Variants in TCF20 observed in about 807,000 individuals in gnomAD.
TCF20 encodes SPRE-binding protein.
In TCF20, 3 loss-of-function variants were observed where a neutral mutation model predicts 148.6. The observed-to-expected ratio is 0.02, with a 90% confidence interval of 0.01 to 0.05. TCF20 has a LOEUF of 0.05. Among genes scored for constraint, TCF20 ranks in the 10% least tolerant of loss-of-function variants. The pLI is 1.00. For synonymous variants in TCF20, 1,049 were observed against 909.5 expected, an observed-to-expected ratio of 1.15 and a Z score of -2.76; for missense variants, 2,350 against 2,429.3, an observed-to-expected ratio of 0.97 and a Z score of 0.69.
Position 42,179,707 on chromosome 22 carries a change from A to T in TCF20, c.5656-5T>A, listed in dbSNP as rs1456456806. 1 of 1,609,736 alleles carries T rather than the reference A, an allele frequency of 6.2e-7. No homozygotes were observed. The highest frequency in any genetic ancestry group is 8.5e-7 in the Non-Finnish European group (1 of 1,176,188). On this transcript the variant is annotated splice_polypyrimidine_tract_variant and splice_region_variant and intron_variant, in intron 2 of 5. Transcript: ENST00000677622. The stretch of plus-strand genomic sequence containing the variant: ...CTCCTGGCAGTGGGAACATTTCTGA[A>T]AGGAAGGGAAAAGTCAGGCATGTCA...
In TCF20 at chr22:42,211,900, G is replaced by C; in HGVS notation, c.3406C>G (p.Leu1136Val). 6.2e-7 allele frequency: 1 copy of C among 1,614,150 alleles called. No individual in the cohort carries two copies. Residue 1136 changes from leucine to valine, a missense_variant, in exon 2 of 6, where the codon CTG becomes GTG. Coordinates refer to ENST00000677622, the MANE Select transcript of TCF20 (RefSeq NM_001378418.1). ...ATCATACCATCTTTGTCATTTTTCA[G>C]AGGGCTCCGTACTCTGTCAAGAAAC... Reference protein sequence around the residue: ...QQFLDRVRSPLKNDKDGMMYG... With the variant: ...QQFLDRVRSPVKNDKDGMMYG...
upstream of TCF20, among the ~76,000 whole-genome samples, chr22:42,270,896 C>A (rs1239444834): frequency 6.6e-6 from 1 of 151,584 alleles, no homozygotes; most frequent in Non-Finnish European, 1.5e-5. Flanking sequence ...CGCTGGGCGC[C>A]GCGCGCCACC....
At chr22:42,241,567 T>C (rs887276588) in intron 1 of TCF20, among the ~76,000 whole-genome samples, 1 of 152,156 alleles carries the variant, frequency 6.6e-6, no homozygotes, top group Admixed American at 6.5e-5. Context: ...TGGCTCATAC[T>C]TGTAATTCCA....
In TCF20 at chr22:42,338,575, G is replaced by C. The variant is rs572774452; in HGVS notation, c.-37+4904C>G. Among the ~76,000 whole-genome samples, 1 of 152,362 alleles carries C rather than the reference G, an allele frequency of 6.6e-6. No homozygotes were observed. Among genetic ancestry groups the C allele is most frequent in the South Asian group, 2.1e-4 (1 of 4,828 alleles). On this transcript the variant is annotated intron_variant, in intron 1 of 1. Transcript: ENST00000515426. The surrounding 1 kb of genome is among the most constrained non-coding windows in gnomAD (Gnocchi z 4.0). ...GGAGGCCCGGGAGGGAGGCGGGGAG[G>C]CTGGCGAGAGGCTTAATGAAACTGC...
At chr22:42,288,715 C>CAAAAAAAAA (rs60058670), upstream of TCF20, among the ~76,000 whole-genome samples, 5 of 85,302 alleles carry the variant, frequency 5.9e-5, no homozygotes, top group African/African-American at 2.7e-4. Flanking sequence ...GACCCTGTAT[C>CAAAAAAAAA]AAAAAAAAAA....
chr22:42,307,003 C>T lies in TCF20; in HGVS notation c.-37+36476G>A, dbSNP rs1035682034. On this transcript the variant is annotated intron_variant, in intron 1 of 1. Transcript: ENST00000515426. Reference sequence around the variant, plus strand: ...GCAGTGACCCGAGATCATGCCACTGCACTCCACCCTGGGTGACAGAGCAAG... The same window carrying T: ...GCAGTGACCCGAGATCATGCCACTGTACTCCACCCTGGGTGACAGAGCAAG... Among the ~76,000 whole-genome samples, 18 of 146,640 alleles carry T rather than the reference C, an allele frequency of 1.2e-4. No individual in the cohort carries two copies. In the South Asian group the frequency reaches 2.2e-3, roughly 18 times the overall value.
Position 42,325,014 on chromosome 22 carries a change from C to T in TCF20, c.-37+18465G>A, listed in dbSNP as rs181203171. Among the ~76,000 whole-genome samples, 194 of 152,354 alleles carry T rather than the reference C, an allele frequency of 1.3e-3. 1 individual carries two copies. The highest frequency in any genetic ancestry group is 4.4e-3 in the African/African-American group (183 of 41,588). On this transcript the variant is annotated intron_variant, in intron 1 of 1. Coordinates refer to the TCF20 transcript ENST00000515426. Reference sequence around the variant, plus strand: ...AGCCTGGTGCCTGAGAGTGCAGACCCGGATGCTCCCTCTTTGTCTTCCCAC... The same window carrying T: ...AGCCTGGTGCCTGAGAGTGCAGACCTGGATGCTCCCTCTTTGTCTTCCCAC...
intron 1 of TCF20, among the ~76,000 whole-genome samples, chr22:42,322,898 T>C (rs1927761579): frequency 6.6e-6 from 1 of 150,980 alleles, no homozygotes; most frequent in African/African-American, 2.4e-5. Flanking sequence ...TTCTGGTTTT[T>C]TTTTTGTTTG....
intron 1 of TCF20, among the ~76,000 whole-genome samples, chr22:42,236,179 A>C (rs1227707195): frequency 2.6e-5 from 4 of 152,184 alleles, no homozygotes; most frequent in African/African-American, 7.2e-5. Flanking sequence ...CCACTTCAAA[A>C]AAACAAACAA....
At chr22:42,320,435 C>G (rs908060408) in intron 1 of TCF20, among the ~76,000 whole-genome samples, 2 of 152,208 alleles carry the variant, frequency 1.3e-5, no homozygotes. Flanking sequence ...AGCTCCTTCC[C>G]TCCTTCAGGT....
rs57045489 is a variant in TCF20 at position 42,338,547 on chromosome 22, C to T, written c.-37+4932G>A. Among the ~76,000 whole-genome samples the T allele has an allele frequency of 0.022, 3,397 of 152,262 alleles. 137 individuals carry two copies. The highest frequency in any genetic ancestry group is 0.079 in the African/African-American group (3,289 of 41,530). On this transcript the variant is annotated intron_variant, in intron 1 of 1. Coordinates refer to the TCF20 transcript ENST00000515426. The surrounding 1 kb of genome is among the most constrained non-coding windows in gnomAD (Gnocchi z 4.0). The stretch of plus-strand genomic sequence containing the variant: ...GTGGAAGGGCTGGGAAAATAATTAC[C>T]GAGGAGGCCCGGGAGGGAGGCGGGG...
rs941080703 is a variant in TCF20, at chr22:42,297,061, C to T, written c.-37+46418G>A. Among the ~76,000 whole-genome samples, 2 of 152,204 alleles carry T rather than the reference C, an allele frequency of 1.3e-5. No individual in the cohort carries two copies. The highest frequency in any genetic ancestry group is 1.3e-4 in the Admixed American group (2 of 15,288). ...GTGCAGTAACCCACCCAGAACCACACAGCAAACTGGAGAAGTCAGTTTAAA... is the reference window on the plus strand; with the variant it reads ...GTGCAGTAACCCACCCAGAACCACATAGCAAACTGGAGAAGTCAGTTTAAA... On this transcript the variant is annotated intron_variant, in intron 1 of 1. Coordinates refer to the TCF20 transcript ENST00000515426. The surrounding 1 kb of genome is among the most constrained non-coding windows in gnomAD (Gnocchi z 4.3).
rs114286799 is a variant in TCF20, at chr22:42,252,469, T to C, written c.-37+17870A>G. On this transcript the variant is annotated intron_variant, in intron 1 of 5. Transcript: ENST00000677622. ...ACACACAAGACAGTTTTAAAAGCTT[T>C]GGAGACTGAGTCCAGCTCTGTCGCC... Among the ~76,000 whole-genome samples the C allele has an allele frequency of 6.5e-3, 988 of 152,164 alleles. 15 individuals carry two copies. The highest frequency in any genetic ancestry group is 0.031 in the Middle Eastern group (9 of 294).
At chr22:42,336,131 G>T (rs1357781729) in intron 1 of TCF20, among the ~76,000 whole-genome samples, 1 of 152,178 alleles carries the variant, frequency 6.6e-6, no homozygotes, top group Non-Finnish European at 1.5e-5. Context: ...GCAGAGGATG[G>T]CACGGCTGCA....
rs2147032875 is a variant in TCF20 at position 42,299,838 on chromosome 22, A to G, written c.-37+43641T>C. On this transcript the variant is annotated intron_variant, in intron 1 of 1. Coordinates refer to the TCF20 transcript ENST00000515426. The surrounding 1 kb of genome is among the most constrained non-coding windows in gnomAD (Gnocchi z 4.1). Reference sequence around the variant, plus strand: ...GGGGAGGGGAAGAGAGAAGGGGGAGAAGGAAGCGGAGGGGAGGAGGGAGGA... The same window carrying G: ...GGGGAGGGGAAGAGAGAAGGGGGAGGAGGAAGCGGAGGGGAGGAGGGAGGA... Among the ~76,000 whole-genome samples, 1 of 150,182 alleles carries G rather than the reference A, an allele frequency of 6.7e-6. No individual in the cohort carries two copies. The highest frequency in any genetic ancestry group is 2.0e-4 in the East Asian group (1 of 5,084).
intron 2 of TCF20, among the ~76,000 whole-genome samples, chr22:42,203,431 T>G (rs1938175312): frequency 1.3e-5 from 2 of 152,190 alleles, no homozygotes. Context: ...GTAGTAAAAT[T>G]TGAGTCCTTC....
chr22:42,179,681 C>A lies in TCF20; in HGVS notation c.5677G>T (p.Ala1893Ser). The change falls in exon 3 of 6, where the codon GCA (alanine) becomes TCA (serine). Residue 1893 changes from alanine (A) to serine (S), a missense_variant. Ala to Ser is a moderately conservative substitution (Grantham distance 99). Around this residue, in one of 7 missense-constraint regions of TCF20, gnomAD observed 30 missense variants for 59.5 expected, o/e 0.50. Transcript: ENST00000677622. Reference protein sequence around the residue: ...REMKCSHCQEAGATLGCYNKG... With the variant: ...REMKCSHCQESGATLGCYNKG... ...TTGTAGCAGCCCAAGGTGGCGCCTG[C>A]CTCCTGGCAGTGGGAACATTTCTGA... The A allele has an allele frequency of 6.2e-7, 1 of 1,613,880 alleles. No homozygotes were observed. Among genetic ancestry groups the A allele is most frequent in the Non-Finnish European group, 8.5e-7 (1 of 1,179,852 alleles).
At chr22:42,169,749 G>T (rs1361450592) in intron 4 of TCF20, 98 bp downstream of exon 4, 2 of 1,284,462 alleles carry the variant, frequency 1.6e-6, no homozygotes, top group African/African-American at 1.5e-5. Flanking sequence ...GTGGGGACAG[G>T]TGTGGGTGAG....
rs1457495332 is a variant in TCF20 at position 42,210,495 on chromosome 22, A to G, written c.4811T>C (p.Ile1604Thr). The stretch of plus-strand genomic sequence containing the variant: ...GATCTCAGGTTCTTGGGGTTCCACA[A>G]TGGGAACTGCTTGTTTGGTTTTTCG... ...RKRKTKQAVP[I>T]VEPQEPEIKL... Residue 1604 changes from isoleucine to threonine, a missense_variant, in exon 2 of 6, where the codon ATT becomes ACT. Transcript: ENST00000677622. The surrounding 1 kb of genome is among the most constrained non-coding windows in gnomAD (Gnocchi z 4.7). 5 of 1,614,160 alleles carry G rather than the reference A, an allele frequency of 3.1e-6. No individual in the cohort carries two copies. Among genetic ancestry groups the G allele is most frequent in the Non-Finnish European group, 3.4e-6 (4 of 1,180,030 alleles).
Sources: gnomAD v4.1 joint callset for allele counts (sites outside exome capture counted in the v4.1 genomes callset) on GRCh38, gnomAD v4.1.1 for gene constraint, gnomAD v4.1.1 regional missense constraint, Gnocchi (gnomAD v3.1) non-coding constraint, MANE v1.5 for transcripts, NCBI Gene and HGNC (gene_info 2026-07-23, HGNC 2026-07-21) for gene names.